NRXN1: variants seen among roughly 807,000 people sequenced by gnomAD.
The protein encoded by NRXN1 is neurexin 1, also known as neurexin-1.
NRXN1 carries 39 observed loss-of-function variants against 150.9 expected under a neutral mutation model. That is an observed-to-expected ratio of 0.26 (90% CI 0.20 to 0.34). The LOEUF (loss-of-function observed/expected upper bound fraction) is 0.34. NRXN1 is among the 10% of genes least tolerant of loss of function. The pLI, the probability that NRXN1 is intolerant of heterozygous loss-of-function variation, is 1.00. For synonymous variants in NRXN1, 924 were observed against 757.0 expected (o/e 1.22, Z -3.62); for missense variants, 1,815 against 1,949.9 (o/e 0.93, Z 1.30).
chr2:50,975,857 A>C (rs573008712), intron 2 of NRXN1, among the ~76,000 whole-genome samples: 2 of 152,226 alleles, frequency 1.3e-5, no homozygotes, highest in South Asian at 4.1e-4. Flanking sequence ...AGAGCAGTCG[A>C]GGGAGATATA....
Position 50,865,580 on chromosome 2 carries a change from ATG to A in NRXN1, c.832+56287_832+56288del, listed in dbSNP as rs112867077. Among the ~76,000 whole-genome samples the A allele has an allele frequency of 6.3e-3, 829 of 130,622 alleles. 2 individuals carry two copies. Among genetic ancestry groups the A allele is most frequent in the African/African-American group, 0.014 (488 of 34,886 alleles). The allele number at this position is 130,622 out of a possible 152,430, so 85.7% of individuals were successfully genotyped here. A position where few individuals can be genotyped will look rare whatever the true frequency, so the allele number is the denominator to read the frequency against. ...TCTCTAAGTGGCTCCAAATATATAA[ATG>A]TGTGTGTGTGTGTGTGTGTGTGTGT... On this transcript the variant is annotated intron_variant, in intron 5 of 22. Transcript: ENST00000401669.
chr2:49,945,457 A>G (rs1672726257), intron 21 of NRXN1, among the ~76,000 whole-genome samples: 2 of 150,514 alleles, frequency 1.3e-5, no homozygotes, highest in Admixed American at 6.6e-5. Context: ...TTACATATGT[A>G]TACACGTGCC....
intron 5 of NRXN1, among the ~76,000 whole-genome samples, chr2:50,846,843 T>G (rs954900763): frequency 6.6e-6 from 1 of 152,216 alleles, no homozygotes; most frequent in Non-Finnish European, 1.5e-5. Flanking sequence ...CATATAAATT[T>G]ATTTTACAGA....
At chr2:50,572,871 G>T (rs1670861017) in intron 8 of NRXN1, among the ~76,000 whole-genome samples, 1 of 152,112 alleles carries the variant, frequency 6.6e-6, no homozygotes, top group African/African-American at 2.4e-5. Flanking sequence ...GAGACATTTT[G>T]TTTCTAGTTT....
At chr2:50,255,131 G>A (rs2067571591) in intron 17 of NRXN1, among the ~76,000 whole-genome samples, 1 of 151,774 alleles carries the variant, frequency 6.6e-6, no homozygotes, top group South Asian at 2.1e-4. Context: ...TTATAATAAC[G>A]GTTATAAAAA....
At chr2:50,784,444 T>G (rs913005099) in intron 5 of NRXN1, among the ~76,000 whole-genome samples, 1 of 151,860 alleles carries the variant, frequency 6.6e-6, no homozygotes, top group Admixed American at 6.6e-5. Flanking sequence ...AGAAGAAGAA[T>G]GTGGAGGATG....
chr2:50,510,515 C>CT (rs2092413755), intron 12 of NRXN1, among the ~76,000 whole-genome samples: 1 of 113,978 alleles, frequency 8.8e-6, no homozygotes. Flanking sequence ...AAAAAAAAAC[C>CT]ACAAAAGAAA....
chr2:50,649,659 C>A (rs1685325047), intron 5 of NRXN1, among the ~76,000 whole-genome samples: 1 of 151,906 alleles, frequency 6.6e-6, no homozygotes, highest in East Asian at 1.9e-4. Context: ...ACTAGTAATA[C>A]CTACTGTATC....
At chr2:50,977,566 G>A (rs1310664861) in intron 2 of NRXN1, among the ~76,000 whole-genome samples, 2 of 151,918 alleles carry the variant, frequency 1.3e-5, no homozygotes, top group Non-Finnish European at 2.9e-5. Flanking sequence ...GAAAGTTACT[G>A]CAGAATAATC....
intron 5 of NRXN1, among the ~76,000 whole-genome samples, chr2:50,774,531 T>C (rs1315128763): frequency 6.6e-6 from 1 of 152,184 alleles, no homozygotes; most frequent in Admixed American, 6.5e-5. Flanking sequence ...GTATGTTTTA[T>C]AAAATAATGT....
At chr2:50,789,791 C>T (rs1197541145) in intron 5 of NRXN1, among the ~76,000 whole-genome samples, 1 of 151,998 alleles carries the variant, frequency 6.6e-6, no homozygotes, top group Non-Finnish European at 1.5e-5. Flanking sequence ...TACTCAATTA[C>T]AGAAAAGTCA....
At chr2:50,379,850 A>G (rs1034177125) in intron 17 of NRXN1, among the ~76,000 whole-genome samples, 2 of 152,196 alleles carry the variant, frequency 1.3e-5, no homozygotes, top group Non-Finnish European at 2.9e-5. Flanking sequence ...TTAAACACCC[A>G]GTTCTACCAT....
intron 17 of NRXN1, among the ~76,000 whole-genome samples, chr2:50,388,994 T>C (rs1245560379): frequency 6.6e-6 from 1 of 151,974 alleles, no homozygotes; most frequent in Non-Finnish European, 1.5e-5. Context: ...TGGTGAAACC[T>C]GAAGTCTACA....
chr2:50,169,655 T>C (rs2059905145), intron 18 of NRXN1, among the ~76,000 whole-genome samples: 2 of 141,868 alleles, frequency 1.4e-5, no homozygotes, highest in South Asian at 2.2e-4. Flanking sequence ...GAGGTTGCAG[T>C]GAGCGGAGAA....
At chr2:50,105,006 C>A (rs1701445625) in intron 18 of NRXN1, among the ~76,000 whole-genome samples, 1 of 152,014 alleles carries the variant, frequency 6.6e-6, no homozygotes, top group Non-Finnish European at 1.5e-5. Flanking sequence ...CAAGGAGGTA[C>A]TTTTCTGAAG....
chr2:51,027,773 G>A lies in NRXN1; in HGVS notation c.501C>T (p.Leu167=). 1 of 1,612,478 alleles carries A rather than the reference G, an allele frequency of 6.2e-7. No individual in the cohort carries two copies. Among genetic ancestry groups the A allele is most frequent in the South Asian group, 1.1e-5 (1 of 90,846 alleles). The change falls in exon 2 of 23, where the codon CTC becomes CTT. Residue 167 remains leucine, a synonymous_variant. Coordinates refer to ENST00000401669, the MANE Select transcript of NRXN1 (RefSeq NM_001330078.2). ...CCCTCACCGAGGCCAGGGTGAGCTT[G>A]AGCGCCGCGGCGCGCAGTTCCGGGG... is the stretch of plus-strand genomic sequence containing the variant. The part of the protein sequence containing the change: ...GLPPELRAAA[L]KLTLASVRER...
intron 17 of NRXN1, among the ~76,000 whole-genome samples, chr2:50,294,524 G>C (rs893227527): frequency 9.2e-5 from 14 of 152,136 alleles, no homozygotes; most frequent in African/African-American, 3.4e-4. Context: ...TGTATAAAAT[G>C]ACTTCTCTGT....
chr2:50,014,196 G>A (rs574735665), intron 21 of NRXN1, among the ~76,000 whole-genome samples: 2 of 151,952 alleles, frequency 1.3e-5, no homozygotes, highest in East Asian at 1.9e-4. Context: ...GGGACATTCC[G>A]ATTTAATAAG....
intron 5 of NRXN1, chr2:50,829,808 T>C: frequency 6.9e-7 from 1 of 1,459,054 alleles, no homozygotes. Flanking sequence ...AACTTAACTT[T>C]TGGTAACATA....
Sources: gnomAD v4.1 joint callset for allele counts (sites outside exome capture counted in the v4.1 genomes callset) on GRCh38, gnomAD v4.1.1 for gene constraint, MANE v1.5 for transcripts, NCBI Gene and HGNC (gene_info 2026-07-23, HGNC 2026-07-21) for gene names.